NRXN3: variants seen among roughly 807,000 people sequenced by gnomAD.
The protein encoded by NRXN3 is neurexin 3.
NRXN3 carries 32 observed loss-of-function variants against 137.6 expected under a neutral mutation model. The ratio of observed to expected loss-of-function variants is 0.23; its 90% CI spans 0.18 to 0.31. NRXN3 has a LOEUF of 0.31. Ranked by LOEUF, NRXN3 falls within the 10% of genes least tolerant of loss-of-function variation. The probability of loss-of-function intolerance (pLI) is 1.00; values close to 1 mark genes in which losing one functional copy is unlikely to be tolerated. For missense variants in NRXN3, 1,574 were observed against 2,062.5 expected (o/e 0.76, Z 4.59); for synonymous variants, 798 against 784.5 (o/e 1.02, Z -0.29).
chr14:79,583,813 C>T (rs2097740906), intron 16 of NRXN3, among the ~76,000 whole-genome samples: 1 of 152,102 alleles, frequency 6.6e-6, no homozygotes, highest in Admixed American at 6.6e-5. Context: ...GATGAACTCT[C>T]CACATAAGCT....
rs1362075969 is a variant in NRXN3 at position 79,866,947 on chromosome 14, G to A, written c.*4983G>A. The A allele has an allele frequency of 1.3e-5, 2 of 152,174 alleles. No individual in the cohort carries two copies. The highest frequency in any genetic ancestry group is 2.9e-5 in the Non-Finnish European group (2 of 68,024). 9.4% of individuals were successfully genotyped at this position (152,174 alleles called of 1,614,324 possible). On this transcript the variant is annotated 3_prime_UTR_variant, in exon 21 of 21. Coordinates refer to ENST00000335750, the MANE Select transcript of NRXN3 (RefSeq NM_001330195.2). ...CAGCAGTCCACTGACAGCACCAGTAGGAAGGCGCTAATGAAAAGATCTCTA... is the reference window on the plus strand; with the variant it reads ...CAGCAGTCCACTGACAGCACCAGTAAGAAGGCGCTAATGAAAAGATCTCTA...
intron 20 of NRXN3, among the ~76,000 whole-genome samples, chr14:79,838,072 T>C (rs2099348002): frequency 6.6e-6 from 1 of 151,752 alleles, no homozygotes; most frequent in African/African-American, 2.4e-5. Flanking sequence ...ATATATTTTG[T>C]ACTGAATAGT....
chr14:79,185,450 C>A, intron 15 of NRXN3, among the ~76,000 whole-genome samples: 1 of 146,612 alleles, frequency 6.8e-6, no homozygotes. Flanking sequence ...ATGATTTGAG[C>A]AATTTCACAC....
intron 6 of NRXN3, among the ~76,000 whole-genome samples, chr14:78,701,568 A>T (rs2098279563): frequency 6.6e-6 from 1 of 152,192 alleles, no homozygotes; most frequent in African/African-American, 2.4e-5. Context: ...CTTCTACTCC[A>T]GCTTGCCATA....
intron 15 of NRXN3, among the ~76,000 whole-genome samples, chr14:79,317,478 T>C (rs1199259103): frequency 1.3e-5 from 2 of 152,160 alleles, no homozygotes; most frequent in African/African-American, 2.4e-5. Context: ...ACTATCCTAC[T>C]ATGTCTATCC....
intron 15 of NRXN3, among the ~76,000 whole-genome samples, chr14:79,388,814 G>C (rs751708918): frequency 4.6e-5 from 7 of 152,164 alleles, no homozygotes; most frequent in Non-Finnish European, 7.3e-5. Flanking sequence ...ATGCCCGAAT[G>C]TTGTAGGAGG....
chr14:79,451,212 G>A (rs1409855473), intron 15 of NRXN3, among the ~76,000 whole-genome samples: 1 of 151,392 alleles, frequency 6.6e-6, no homozygotes, highest in Non-Finnish European at 1.5e-5. Flanking sequence ...CACTATTTCT[G>A]AGGAACTCAT....
intron 16 of NRXN3, among the ~76,000 whole-genome samples, chr14:79,594,655 C>T (rs1477912067): frequency 1.3e-5 from 2 of 150,912 alleles, no homozygotes; most frequent in Non-Finnish European, 2.9e-5. Context: ...GAAATTCTCC[C>T]ATCATAGAGA....
chr14:78,424,610 C>T (rs558448017), intron 4 of NRXN3, among the ~76,000 whole-genome samples: 33 of 152,334 alleles, frequency 2.2e-4, no homozygotes, highest in Non-Finnish European at 3.7e-4. Flanking sequence ...TAATCTGAGA[C>T]ATCCCCAGAG....
intron 15 of NRXN3, among the ~76,000 whole-genome samples, chr14:79,034,137 A>T (rs2099612213): frequency 6.6e-6 from 1 of 152,052 alleles, no homozygotes; most frequent in Admixed American, 6.6e-5. Context: ...GTGCCTTCTA[A>T]ATCAGACAGT....
At chr14:78,296,015 A>G (rs1034364487) in intron 3 of NRXN3, among the ~76,000 whole-genome samples, 3 of 147,080 alleles carry the variant, frequency 2.0e-5, no homozygotes, top group Non-Finnish European at 3.0e-5. Context: ...AGCTCTTCAG[A>G]TCTTCCTTAT....
At chr14:79,666,794 C>T (rs1315849964) in intron 17 of NRXN3, among the ~76,000 whole-genome samples, 2 of 152,098 alleles carry the variant, frequency 1.3e-5, no homozygotes, top group Non-Finnish European at 2.9e-5. Context: ...TCAAAATCCT[C>T]ATTTAAAAGT....
At chr14:78,739,353 A>G (rs1813811408) in intron 8 of NRXN3, among the ~76,000 whole-genome samples, 1 of 152,218 alleles carries the variant, frequency 6.6e-6, no homozygotes, top group African/African-American at 2.4e-5. Context: ...TTATGGTTAC[A>G]ATATGGTTCC....
At chr14:79,664,243 G>C (rs2098547614) in intron 17 of NRXN3, among the ~76,000 whole-genome samples, 1 of 152,096 alleles carries the variant, frequency 6.6e-6, no homozygotes, top group Admixed American at 6.6e-5. Context: ...TGTAGATGAG[G>C]AGCAGTGAAG....
rs200544139 is a variant in NRXN3 at position 79,560,840 on chromosome 14, C to CA, written c.3444+93438_3444+93439insA. Among the ~76,000 whole-genome samples, 771 of 152,126 alleles carry CA rather than the reference C, an allele frequency of 5.1e-3. 7 individuals are homozygous for CA. The highest frequency in any genetic ancestry group is 0.018 in the African/African-American group (734 of 41,488). Reference sequence around the variant, plus strand: ...ACAGGCATAAGCCATCACACCTGGCCGATTGTGAGCTACTTAAAGATACCC... The same window carrying CA: ...ACAGGCATAAGCCATCACACCTGGCCAGATTGTGAGCTACTTAAAGATACCC... On this transcript the variant is annotated intron_variant, in intron 16 of 20. Coordinates refer to ENST00000335750, the MANE Select transcript of NRXN3 (RefSeq NM_001330195.2).
intron 16 of NRXN3, among the ~76,000 whole-genome samples, chr14:79,551,331 T>G (rs185866936): frequency 2.8e-3 from 430 of 152,256 alleles, no homozygotes; most frequent in Non-Finnish European, 3.8e-3. Flanking sequence ...GGGGCTTGTT[T>G]ACAAAACAAA....
chr14:79,620,373 A>G (rs1398324431), intron 16 of NRXN3, among the ~76,000 whole-genome samples: 1 of 152,154 alleles, frequency 6.6e-6, no homozygotes. Flanking sequence ...GAAACCATGC[A>G]TATGTGTTTT....
intron 10 of NRXN3, among the ~76,000 whole-genome samples, chr14:78,937,507 T>C (rs1453833198): frequency 6.6e-6 from 1 of 152,212 alleles, no homozygotes; most frequent in African/African-American, 2.4e-5. Flanking sequence ...CCCTTCTTAA[T>C]TGAACATTAT....
intron 15 of NRXN3, among the ~76,000 whole-genome samples, chr14:79,428,805 G>A (rs2095697984): frequency 6.6e-6 from 1 of 152,148 alleles, no homozygotes; most frequent in South Asian, 2.1e-4. Flanking sequence ...TTAGTTCTGA[G>A]TTTGAAGCAG....
Sources: allele counts gnomAD v4.1 joint callset (sites outside exome capture counted in the v4.1 genomes callset), GRCh38; gene constraint gnomAD v4.1.1; transcripts MANE v1.5; gene names NCBI Gene and HGNC (gene_info 2026-07-23, HGNC 2026-07-21).